The following COMMD5 variants were observed in gnomAD, a reference collection of about 807,000 sequenced individuals.
COMMD5 encodes COMM domain containing 5, also known as COMM domain-containing protein 5.
Under a neutral mutation model 6.9 loss-of-function variants are expected in COMMD5, and 10 were observed. That is an observed-to-expected ratio of 1.44 (90% confidence interval 0.89 to 2.45). COMMD5 has a LOEUF of 2.45. Ranked by LOEUF, COMMD5 falls within the 30% of genes most tolerant of loss-of-function variation. The probability of loss-of-function intolerance (pLI) is 0.00; values close to 1 mark genes in which losing one functional copy is unlikely to be tolerated. For missense variants in COMMD5, 234 were observed against 287.8 expected (o/e 0.81, Z 1.35); for synonymous variants, 127 against 125.3 (o/e 1.01, Z -0.09).
At chr8:144,838,047 C>G (rs1380859552), downstream of COMMD5, 3 of 693,088 alleles carry the variant, frequency 4.3e-6, no homozygotes, top group African/African-American at 6.1e-5. Flanking sequence ...GGTCAGCAAG[C>G]AGGGCCGTGC....
chr8:144,838,101 G>A (rs147468047), downstream of COMMD5: 51 of 702,960 alleles, frequency 7.3e-5, no homozygotes, highest in African/African-American at 2.6e-4. Flanking sequence ...CTGCCTCTCC[G>A]GGCAGCTGGT....
chr8:144,843,107 G>A, intron 1 of COMMD5: 2 of 1,611,694 alleles, frequency 1.2e-6, no homozygotes, highest in Non-Finnish European at 1.7e-6. Flanking sequence ...TGCAATGACT[G>A]TGGCAAAGCT....
At position 144,841,518 on chromosome 8, in the gene COMMD5, C is replaced by T. The variant is rs367779867; in HGVS notation, c.*342G>A. 30 of 1,614,070 alleles carry T rather than the reference C, an allele frequency of 1.9e-5. No individual in the cohort carries two copies. In the African/African-American group the frequency reaches 3.1e-4, roughly 17 times the overall value. ...AGGTCTGGTTAGACAGTCATCTGGG[C>T]AGTCCCGGGCTGAAAGTGACAGGCT... On this transcript the variant is annotated 3_prime_UTR_variant and NMD_transcript_variant, in exon 2 of 2. Coordinates refer to the COMMD5 transcript ENST00000530332.
downstream of COMMD5, among the ~76,000 whole-genome samples, chr8:144,849,225 T>C (rs2130771024): frequency 6.6e-6 from 1 of 152,290 alleles, no homozygotes; most frequent in East Asian, 1.9e-4. Flanking sequence ...GCTGGTCATA[T>C]TCCTGATCCG....
intron 1 of COMMD5, chr8:144,843,200 AT>A: frequency 6.5e-7 from 1 of 1,527,848 alleles, no homozygotes; most frequent in South Asian, 1.3e-5. Flanking sequence ...ATATATGTGA[AT>A]AAACCTATAG....
At chr8:144,844,321 C>A (rs1478767587) in intron 1 of COMMD5, among the ~76,000 whole-genome samples, 1 of 152,188 alleles carries the variant, frequency 6.6e-6, no homozygotes, top group Non-Finnish European at 1.5e-5. Flanking sequence ...TGCGCACAGG[C>A]CCTGAGGCTG....
At position 144,851,107 on chromosome 8, in the gene COMMD5, G is replaced by A. The variant is rs1167760225; in HGVS notation, c.232C>T (p.Pro78Ser). The A allele has an allele frequency of 6.2e-7, 1 of 1,611,892 alleles. No homozygotes were observed. The highest frequency in any genetic ancestry group is 1.3e-5 in the African/African-American group (1 of 74,920). ...VQRLGVSANLPEEQLGALLAG... is the reference protein window; with the variant it reads ...VQRLGVSANLSEEQLGALLAG... ...AGCAGGGCACCCAGCTGCTCCTCCG[G>A]CAGGTTGGCGCTGACCCCAAGACGC... Residue 78 changes from proline to serine, a missense_variant, in exon 2 of 2, where the codon CCG becomes TCG. By Grantham distance (74) the Pro-to-Ser change is moderately conservative. Coordinates refer to ENST00000305103, the MANE Select transcript of COMMD5 (RefSeq NM_014066.4).
In COMMD5 at chr8:144,852,850, C is replaced by G. The variant is rs1363846347; in HGVS notation, c.-69G>C. 1 of 152,274 alleles carries G rather than the reference C, an allele frequency of 6.6e-6. No homozygotes were observed. Among genetic ancestry groups the G allele is most frequent in the Non-Finnish European group, 1.5e-5 (1 of 68,066 alleles). 9.4% of individuals were successfully genotyped at this position (152,274 alleles called of 1,614,324 possible). A position where few individuals can be genotyped will look rare whatever the true frequency, so the allele number is the denominator to read the frequency against. ...CGGGGCCAACCTACCGGCGGGCGCT[C>G]CTCCGCGGAAAAGCCCCGCAGTATC... On this transcript the variant is annotated 5_prime_UTR_variant, in exon 1 of 2. Transcript: ENST00000305103.
chr8:144,840,515 C>T (rs1280290917), downstream of COMMD5, among the ~76,000 whole-genome samples: 5 of 152,124 alleles, frequency 3.3e-5, no homozygotes, highest in South Asian at 2.1e-4. Flanking sequence ...TGATCATAGC[C>T]GTGTGTTGTG....
chr8:144,839,679 C>T (rs770659243), downstream of COMMD5, among the ~76,000 whole-genome samples: 2 of 152,310 alleles, frequency 1.3e-5, no homozygotes, highest in Non-Finnish European at 2.9e-5. Context: ...GGGATGTAGC[C>T]TCTTAGATAA....
rs781601374 is a variant in COMMD5 at position 144,842,817 on chromosome 8, A to G, written c.*117-1074T>C. The G allele has an allele frequency of 9.3e-6, 15 of 1,614,060 alleles. No individual in the cohort carries two copies. In the East Asian group the frequency reaches 2.2e-4, roughly 24 times the overall value. On this transcript the variant is annotated intron_variant and NMD_transcript_variant, in intron 1 of 1. Transcript: ENST00000530332. ...TCAGTCAAAACTCAACCCTTTTCCA[A>G]CACCAGATAATTCATGCAGGGGTGA...
chr8:144,843,410 A>G (rs1159006356), intron 1 of COMMD5: 9 of 393,932 alleles, frequency 2.3e-5, no homozygotes, highest in Middle Eastern at 1.3e-3. Flanking sequence ...TAACAGGTGA[A>G]ACCCCATCTC....
At chr8:144,843,397 G>A (rs1830242122) in intron 1 of COMMD5, 1 of 441,934 alleles carries the variant, frequency 2.3e-6, no homozygotes, top group Admixed American at 4.1e-5. Flanking sequence ...AGACCATCCT[G>A]GGTAACAGGT....
chr8:144,844,306 C>T (rs572160895), intron 1 of COMMD5, among the ~76,000 whole-genome samples: 1 of 152,328 alleles, frequency 6.6e-6, no homozygotes, highest in South Asian at 2.1e-4. Context: ...TCCAGCACAC[C>T]CGTGTGCGCA....
intron 1 of COMMD5, chr8:144,842,801 A>T (rs1830121032): frequency 6.2e-7 from 1 of 1,613,968 alleles, no homozygotes; most frequent in African/African-American, 1.3e-5. Flanking sequence ...TTCAGTCAAA[A>T]CTCAACCCTT....
chr8:144,843,208 A>C (rs2130730849), intron 1 of COMMD5: 1 of 1,518,284 alleles, frequency 6.6e-7, no homozygotes, highest in East Asian at 2.3e-5. Context: ...GAATAAACCT[A>C]TAGCCTTAAC....
intron 1 of COMMD5, chr8:144,842,774 A>G: frequency 3.1e-6 from 5 of 1,614,190 alleles, no homozygotes; most frequent in African/African-American, 2.7e-5. Flanking sequence ...TATAAATGTA[A>G]TGAATGTGGG....
At chr8:144,848,207 G>T (rs919621890), downstream of COMMD5, among the ~76,000 whole-genome samples, 6 of 151,892 alleles carry the variant, frequency 4.0e-5, no homozygotes, top group Non-Finnish European at 7.4e-5. Context: ...TTAGCCGGGT[G>T]TGGTGTGGTG....
chr8:144,841,299 T>G (rs1316644333), exon 2 of COMMD5: 1 of 1,522,982 alleles, frequency 6.6e-7, no homozygotes, highest in African/African-American at 1.4e-5. Context: ...ATTTGTAGTC[T>G]TATCATTTCT....
Sources: gnomAD v4.1 joint callset for allele counts (sites outside exome capture counted in the v4.1 genomes callset) on GRCh38, gnomAD v4.1.1 for gene constraint, MANE v1.5 for transcripts, NCBI Gene and HGNC (gene_info 2026-07-23, HGNC 2026-07-21) for gene names.